Variants in SLC1A2 observed in about 807,000 individuals in gnomAD.
The protein encoded by SLC1A2 is excitatory amino acid transporter 2.
A neutral mutation model predicts 48.8 loss-of-function variants in SLC1A2; 15 were observed. The ratio of observed to expected loss-of-function variants is 0.31; its 90% CI spans 0.21 to 0.47. SLC1A2 has a LOEUF of 0.47. Among genes scored for constraint, SLC1A2 ranks in the 20% least tolerant of loss-of-function variants. The probability of loss-of-function intolerance (pLI) is 0.99; values close to 1 mark genes in which losing one functional copy is unlikely to be tolerated. For synonymous variants in SLC1A2, 279 were observed against 272.6 expected (o/e 1.02, Z -0.23); for missense variants, 502 against 730.5 (o/e 0.69, Z 3.61).
chr11:35,325,213 T>A lies in SLC1A2; in HGVS notation c.18-7697A>T, dbSNP rs1852201098. On this transcript the variant is annotated intron_variant, in intron 1 of 10. Transcript: ENST00000278379. ...CAAACCATCTCTGCTAGCTAAAACA[T>A]CCTCTACCCACCCTCCAACCCAGCC... Among the ~76,000 whole-genome samples, 3 of 152,316 alleles carry A rather than the reference T, an allele frequency of 2.0e-5. No homozygotes were observed. In the South Asian group the frequency reaches 6.2e-4, roughly 32 times the overall value.
intron 1 of SLC1A2, among the ~76,000 whole-genome samples, chr11:35,364,931 A>G (rs1853791791): frequency 6.6e-6 from 1 of 152,212 alleles, no homozygotes; most frequent in African/African-American, 2.4e-5. Flanking sequence ...GAGAAAATGG[A>G]GAAAAAGAAG....
intron 1 of SLC1A2, among the ~76,000 whole-genome samples, chr11:35,334,279 G>A (rs2135000155): frequency 6.6e-6 from 1 of 152,242 alleles, no homozygotes; most frequent in South Asian, 2.1e-4. Flanking sequence ...GATTTCATGT[G>A]CATACCTGCC....
chr11:35,404,695 C>A (rs1412276436), intron 1 of SLC1A2, among the ~76,000 whole-genome samples: 2 of 152,186 alleles, frequency 1.3e-5, no homozygotes, highest in Non-Finnish European at 2.9e-5. Flanking sequence ...GCAAATTGTT[C>A]CCGGTCTGTC....
chr11:35,392,273 G>A (rs1017624407), intron 1 of SLC1A2: 1 of 152,326 alleles, frequency 6.6e-6, no homozygotes, highest in South Asian at 2.1e-4. Context: ...TATTTTCTAA[G>A]TACATTGCTG....
In SLC1A2 at chr11:35,346,900, C is replaced by T. The variant is rs143686393; in HGVS notation, c.18-29384G>A. ...TTGGACACAGGATGGAAGAAGACCT[C>T]GTGCTCACAGCAGTAGTTCTGTAGG... On this transcript the variant is annotated intron_variant, in intron 1 of 10. Transcript: ENST00000278379. Among the ~76,000 whole-genome samples the T allele has an allele frequency of 2.9e-3, 449 of 152,282 alleles. 3 individuals are homozygous for T. Among genetic ancestry groups the T allele is most frequent in the African/African-American group, 1.0e-2 (415 of 41,546 alleles).
At chr11:35,321,985 G>A (rs72938848) in intron 1 of SLC1A2, among the ~76,000 whole-genome samples, 3,257 of 152,134 alleles carry the variant, frequency 0.021, 53 homozygotes, top group Non-Finnish European at 0.03. Flanking sequence ...TATTAGCAAT[G>A]CAATGCCTTA....
chr11:35,394,250 C>T (rs116392431), intron 1 of SLC1A2, among the ~76,000 whole-genome samples: 2,014 of 152,146 alleles, frequency 0.013, 50 homozygotes, highest in African/African-American at 0.046. Context: ...TCCCACGTGC[C>T]TTCAGCCACG....
chr11:35,330,484 G>A (rs138789420), intron 1 of SLC1A2, among the ~76,000 whole-genome samples: 1 of 152,342 alleles, frequency 6.6e-6, no homozygotes, highest in Non-Finnish European at 1.5e-5. Flanking sequence ...GATAGGTAGA[G>A]TAATGCCCCA....
chr11:35,369,731 A>T (rs1216720398), intron 1 of SLC1A2, among the ~76,000 whole-genome samples: 1 of 152,226 alleles, frequency 6.6e-6, no homozygotes, highest in Non-Finnish European at 1.5e-5. Flanking sequence ...TGCAAGTGAC[A>T]CAAAGCTGAC....
In SLC1A2 at chr11:35,341,463, G is replaced by A. The variant is rs186470647; in HGVS notation, c.18-23947C>T. Among the ~76,000 whole-genome samples the A allele has an allele frequency of 2.9e-3, 444 of 152,194 alleles. 3 individuals carry two copies. The highest frequency in any genetic ancestry group is 0.01 in the African/African-American group (421 of 41,504). ...AACCTAATAAGGTGTGTGATGTTCC[G>A]CTTCCTAAAGTATAATTTAAAAATA... On this transcript the variant is annotated intron_variant, in intron 1 of 10. Transcript: ENST00000278379.
intron 1 of SLC1A2, among the ~76,000 whole-genome samples, chr11:35,367,441 G>A (rs549690839): frequency 1.2e-4 from 18 of 152,240 alleles, no homozygotes; most frequent in East Asian, 3.9e-4. Flanking sequence ...CTTAAGTTCC[G>A]TCCCCAGCAC....
At chr11:35,287,398 C>T (rs546591161) in intron 7 of SLC1A2, among the ~76,000 whole-genome samples, 79 of 152,164 alleles carry the variant, frequency 5.2e-4, no homozygotes, top group Admixed American at 1.4e-3. Flanking sequence ...ATGCTGTTTC[C>T]GATAAAATGA....
At chr11:35,362,308 C>T (rs1164437017) in intron 1 of SLC1A2, among the ~76,000 whole-genome samples, 1 of 152,218 alleles carries the variant, frequency 6.6e-6, no homozygotes, top group Non-Finnish European at 1.5e-5. Context: ...ATTTCAATCC[C>T]AATCTGAAAT....
intron 6 of SLC1A2, among the ~76,000 whole-genome samples, chr11:35,296,902 C>T (rs1199904540): frequency 6.6e-6 from 1 of 152,114 alleles, no homozygotes; most frequent in South Asian, 2.1e-4. Flanking sequence ...CATTTGCTCC[C>T]TTTTGGCTTT....
rs193128227 is a variant in SLC1A2 at position 35,279,402 on chromosome 11, A to G, written c.1421+1465T>C. Among the ~76,000 whole-genome samples, 77 of 152,358 alleles carry G rather than the reference A, an allele frequency of 5.1e-4. 2 individuals carry two copies. In the East Asian group the frequency reaches 0.014, roughly 27 times the overall value. Reference sequence around the variant, plus strand: ...GGGAAAGGTAGCTGAACTACCATACATGGTCAAGTTCAAGTTTCTCTGCAT... The same window carrying G: ...GGGAAAGGTAGCTGAACTACCATACGTGGTCAAGTTCAAGTTTCTCTGCAT... On this transcript the variant is annotated intron_variant, in intron 9 of 10. Coordinates refer to ENST00000278379, the MANE Select transcript of SLC1A2 (RefSeq NM_004171.4).
chr11:35,288,851 A>G lies in SLC1A2; in HGVS notation c.1092-1900T>C, dbSNP rs1249439531. On this transcript the variant is annotated intron_variant, in intron 7 of 10. Transcript: ENST00000278379. ...TCATCAAATGGTCTTTGGACAATTAAGTCGACTGGGAAAAATGATTGGTAA... is the reference window on the plus strand; with the variant it reads ...TCATCAAATGGTCTTTGGACAATTAGGTCGACTGGGAAAAATGATTGGTAA... Among the ~76,000 whole-genome samples, 4 of 149,742 alleles carry G rather than the reference A, an allele frequency of 2.7e-5. No homozygotes were observed. The Admixed American group carries it at 2.7e-4, about 10-fold the overall frequency.
intron 1 of SLC1A2, among the ~76,000 whole-genome samples, chr11:35,401,740 T>C (rs1398100802): frequency 1.3e-5 from 2 of 152,204 alleles, no homozygotes; most frequent in African/African-American, 2.4e-5. Context: ...CACCTGCTGA[T>C]TGTAACATTC....
chr11:35,296,313 C>G (rs4755395), intron 6 of SLC1A2, among the ~76,000 whole-genome samples: 62,973 of 152,002 alleles, frequency 0.41, 13,205 homozygotes, highest in South Asian at 0.55. Context: ...TGTCAATAGA[C>G]CTAAACACAC....
chr11:35,293,612 AT>A (rs1272217327), intron 6 of SLC1A2, among the ~76,000 whole-genome samples: 19 of 152,294 alleles, frequency 1.2e-4, no homozygotes, highest in Admixed American at 2.0e-4. Flanking sequence ...ATATGAAAAT[AT>A]TTATGGGAAG....
Sources: gnomAD v4.1 joint callset for allele counts (sites outside exome capture counted in the v4.1 genomes callset) on GRCh38, gnomAD v4.1.1 for gene constraint, MANE v1.5 for transcripts, NCBI Gene and HGNC (gene_info 2026-07-23, HGNC 2026-07-21) for gene names.